ARHGAP42: variants seen among roughly 807,000 people sequenced by gnomAD.
The protein encoded by ARHGAP42 is rho GTPase-activating protein 42.
A neutral mutation model predicts 125.0 loss-of-function variants in ARHGAP42; 63 were observed. The ratio of observed to expected loss-of-function variants is 0.50; its 90% confidence interval spans 0.41 to 0.62. The LOEUF (loss-of-function observed/expected upper bound fraction) is 0.62. Ranked by LOEUF, ARHGAP42 falls within the 20% of genes least tolerant of loss-of-function variation. The pLI, the probability that ARHGAP42 is intolerant of heterozygous loss-of-function variation, is 0.00. For missense variants in ARHGAP42, 766 were observed against 1,024.2 expected (o/e 0.75, Z 3.44); for synonymous variants, 339 against 351.0 (o/e 0.97, Z 0.38).
At chr11:100,843,343 A>T (rs550565001) in intron 3 of ARHGAP42, among the ~76,000 whole-genome samples, 1 of 152,194 alleles carries the variant, frequency 6.6e-6, no homozygotes, top group East Asian at 1.9e-4. Flanking sequence ...CAACAAAAAA[A>T]AAGTCCAGGA....
intron 4 of ARHGAP42, among the ~76,000 whole-genome samples, chr11:100,890,117 G>A (rs1866183718): frequency 6.6e-6 from 1 of 152,182 alleles, no homozygotes; most frequent in Non-Finnish European, 1.5e-5. Context: ...AACAGAGCAG[G>A]CATCCAGATG....
At chr11:100,878,135 TTTC>T (rs1017414690) in intron 4 of ARHGAP42, among the ~76,000 whole-genome samples, 2 of 152,092 alleles carry the variant, frequency 1.3e-5, no homozygotes, top group African/African-American at 4.8e-5. Context: ...TATTTCTTTT[TTTC>T]TTTTTTTGAG....
At chr11:100,777,507 G>A (rs1863160226) in intron 2 of ARHGAP42, among the ~76,000 whole-genome samples, 1 of 152,172 alleles carries the variant, frequency 6.6e-6, no homozygotes, top group Admixed American at 6.5e-5. Context: ...AGATGCGTCT[G>A]TTAGGTCAAA....
In ARHGAP42 at chr11:100,721,999, T is replaced by C. The variant is rs113051389; in HGVS notation, c.154+34167T>C. On this transcript the variant is annotated intron_variant, in intron 1 of 23. Coordinates refer to ENST00000298815, the MANE Select transcript of ARHGAP42 (RefSeq NM_152432.4). ...TGCTGGATCATATTATAAGAGTATG[T>C]TTAGCTTTGTAAGAAACTGCCAAAC... Among the ~76,000 whole-genome samples, 878 of 152,298 alleles carry C rather than the reference T, an allele frequency of 5.8e-3. 7 individuals carry two copies. The highest frequency in any genetic ancestry group is 0.02 in the Middle Eastern group (6 of 294).
chr11:100,887,967 C>A (rs879763458), intron 4 of ARHGAP42, among the ~76,000 whole-genome samples: 1 of 152,214 alleles, frequency 6.6e-6, no homozygotes, highest in Non-Finnish European at 1.5e-5. Flanking sequence ...TCTATCCAAT[C>A]CCGCTTCTGG....
chr11:100,921,433 A>G, intron 5 of ARHGAP42, 61 bp from the exon 6 acceptor site: 1 of 1,186,048 alleles, frequency 8.4e-7, no homozygotes, highest in Non-Finnish European at 1.2e-6. Context: ...ATACCAGAGC[A>G]GGAATTGAGT....
intron 4 of ARHGAP42, among the ~76,000 whole-genome samples, chr11:100,887,340 T>C (rs1450824956): frequency 2.0e-5 from 3 of 152,126 alleles, no homozygotes. Context: ...TCTCTATAGC[T>C]TCCCCTCCTG....
Position 100,992,293 on chromosome 11 carries a change from A to G in ARHGAP42, c.*3492A>G, listed in dbSNP as rs912090509. 7 of 1,565,204 alleles carry G rather than the reference A, an allele frequency of 4.5e-6. No individual in the cohort carries two copies. The highest frequency in any genetic ancestry group is 6.0e-6 in the Non-Finnish European group (7 of 1,160,332). Reference sequence around the variant, plus strand: ...TCTTTGCTTTTATGATACATTTGTAACTCACAGCTGTTAGCATGACCTCAC... The same window carrying G: ...TCTTTGCTTTTATGATACATTTGTAGCTCACAGCTGTTAGCATGACCTCAC... On this transcript the variant is annotated 3_prime_UTR_variant, in exon 24 of 24. Coordinates refer to ENST00000298815, the MANE Select transcript of ARHGAP42 (RefSeq NM_152432.4).
intron 4 of ARHGAP42, among the ~76,000 whole-genome samples, chr11:100,871,409 C>G (rs953619774): frequency 1.1e-4 from 17 of 151,484 alleles, no homozygotes; most frequent in African/African-American, 4.1e-4. Flanking sequence ...AGCCAGGCAT[C>G]GTGGGGCATG....
chr11:100,837,677 T>TA (rs1565235524), intron 3 of ARHGAP42, among the ~76,000 whole-genome samples: 6 of 137,964 alleles, frequency 4.3e-5, no homozygotes, highest in African/African-American at 1.6e-4. Flanking sequence ...TTTTTTTTTT[T>TA]TTTTTTTTTT....
At chr11:100,963,979 T>G (rs1168064641) in intron 16 of ARHGAP42, among the ~76,000 whole-genome samples, 2 of 152,006 alleles carry the variant, frequency 1.3e-5, no homozygotes, top group Non-Finnish European at 1.5e-5. Context: ...TTTGCTTCTG[T>G]GGCAAATGAT....
In ARHGAP42 at chr11:100,991,894, T is replaced by G. The variant is rs543064521; in HGVS notation, c.*3093T>G. The stretch of plus-strand genomic sequence containing the variant: ...AAAAATGTATTAAAACCCCAAATTA[T>G]CTAGGTTTCCAAGTAGGAAAAATAA... On this transcript the variant is annotated 3_prime_UTR_variant, in exon 24 of 24. Transcript: ENST00000298815. 3.8e-5 allele frequency: 6 copies of G among 156,684 alleles called. No homozygotes were observed. Among genetic ancestry groups the G allele is most frequent in the Non-Finnish European group, 8.4e-5 (6 of 71,274 alleles). The allele number at this position is 156,684 out of a possible 1,614,324, so 9.7% of individuals were successfully genotyped here. A position where few individuals can be genotyped will look rare whatever the true frequency, so the allele number is the denominator to read the frequency against.
At chr11:100,763,469 A>G (rs1053149306) in intron 1 of ARHGAP42, among the ~76,000 whole-genome samples, 2 of 152,126 alleles carry the variant, frequency 1.3e-5, no homozygotes, top group South Asian at 4.1e-4. Context: ...AGGAATGAGC[A>G]TACATTTCCT....
intron 4 of ARHGAP42, among the ~76,000 whole-genome samples, chr11:100,866,294 C>T (rs1168577278): frequency 2.0e-5 from 3 of 152,154 alleles, no homozygotes; most frequent in Non-Finnish European, 2.9e-5. Flanking sequence ...CCTCCACTGA[C>T]GTCTTCAAAC....
intron 1 of ARHGAP42, among the ~76,000 whole-genome samples, chr11:100,759,555 G>A (rs991954636): frequency 1.1e-4 from 16 of 152,106 alleles, no homozygotes; most frequent in African/African-American, 3.6e-4. Context: ...ATAAGATTTA[G>A]ACACAAAGAA....
chr11:100,698,828 T>C (rs746483874), intron 1 of ARHGAP42, among the ~76,000 whole-genome samples: 2 of 152,160 alleles, frequency 1.3e-5, no homozygotes, highest in Non-Finnish European at 2.9e-5. Context: ...TTGCGGGAGA[T>C]TTGGGAAAGC....
chr11:100,723,643 G>C (rs1861803939), intron 1 of ARHGAP42, among the ~76,000 whole-genome samples: 7 of 152,008 alleles, frequency 4.6e-5, no homozygotes, highest in Admixed American at 4.6e-4. Flanking sequence ...AAACCTTGCT[G>C]TTAGTTCCAG....
chr11:100,855,660 C>T (rs1865306717), intron 3 of ARHGAP42, among the ~76,000 whole-genome samples: 1 of 151,902 alleles, frequency 6.6e-6, no homozygotes, highest in African/African-American at 2.4e-5. Flanking sequence ...ATGTGCACCC[C>T]CTTGTGGCTA....
intron 3 of ARHGAP42, among the ~76,000 whole-genome samples, chr11:100,803,132 T>C (rs565530243): frequency 9.9e-5 from 15 of 151,984 alleles, no homozygotes; most frequent in African/African-American, 3.6e-4. Context: ...CTCAGCACTT[T>C]GGGAGGCCAA....
Sources: allele counts gnomAD v4.1 joint callset (sites outside exome capture counted in the v4.1 genomes callset), GRCh38; gene constraint gnomAD v4.1.1; transcripts MANE v1.5; gene names NCBI Gene and HGNC (gene_info 2026-07-23, HGNC 2026-07-21).